RASGRP1: variants seen among roughly 807,000 people sequenced by gnomAD.
The protein encoded by RASGRP1 is RAS guanyl-releasing protein 1.
In RASGRP1, 37 loss-of-function variants were observed where a neutral mutation model predicts 95.1. That is an observed-to-expected ratio of 0.39 (90% CI 0.30 to 0.51). RASGRP1 has a LOEUF of 0.51. Among genes scored for constraint, RASGRP1 ranks in the 20% least tolerant of loss-of-function variants. The probability of loss-of-function intolerance (pLI) is 0.80; values close to 1 mark genes in which losing one functional copy is unlikely to be tolerated. For synonymous variants in RASGRP1, 325 were observed against 353.4 expected, an observed-to-expected ratio of 0.92 and a Z score of 0.90; for missense variants, 711 against 965.4, an observed-to-expected ratio of 0.74 and a Z score of 3.49.
At chr15:38,491,737 T>C (rs1035389265) in intron 16 of RASGRP1, among the ~76,000 whole-genome samples, 2 of 152,188 alleles carry the variant, frequency 1.3e-5, no homozygotes, top group African/African-American at 4.8e-5. Flanking sequence ...CACATAATTG[T>C]TCCTCTAAAA....
chr15:38,541,075 C>T (rs1445797654), intron 2 of RASGRP1, among the ~76,000 whole-genome samples: 1 of 152,210 alleles, frequency 6.6e-6, no homozygotes, highest in Non-Finnish European at 1.5e-5. Context: ...CAACCAACCC[C>T]ACACACGGGC....
chr15:38,511,807 G>GT lies in RASGRP1; in HGVS notation c.850-88dup, dbSNP rs1891531918. On this transcript the variant is annotated intron_variant, in intron 7 of 16. Transcript: ENST00000310803. Reference sequence around the variant, plus strand: ...AGAGGCTGCCTCTTGTCTCTGTGCCGTGAGTCTCCCTTACGCTGGTTAAAG... The same window carrying GT: ...AGAGGCTGCCTCTTGTCTCTGTGCCGTTGAGTCTCCCTTACGCTGGTTAAAG... 8 of 947,154 alleles carry GT rather than the reference G, an allele frequency of 8.4e-6. No individual in the cohort carries two copies. The South Asian group carries it at 9.8e-5, about 12-fold the overall frequency. The allele number at this position is 947,154 out of a possible 1,614,324, so 58.7% of individuals were successfully genotyped here.
intron 9 of RASGRP1, among the ~76,000 whole-genome samples, chr15:38,507,383 CATCT>C (rs1443677417): frequency 1.3e-5 from 2 of 152,132 alleles, no homozygotes; most frequent in Non-Finnish European, 2.9e-5. Context: ...TCATTCTCTC[CATCT>C]GTTACCAAGA....
At chr15:38,507,647 C>G (rs1266500964) in intron 9 of RASGRP1, 79 bp downstream of exon 9, 6 of 1,440,292 alleles carry the variant, frequency 4.2e-6, no homozygotes, top group Non-Finnish European at 5.6e-6. Context: ...GGACTAACAG[C>G]TAATATTTGG....
At chr15:38,527,351 CCT>C (rs1224689957) in intron 2 of RASGRP1, among the ~76,000 whole-genome samples, 1 of 152,080 alleles carries the variant, frequency 6.6e-6, no homozygotes, top group Non-Finnish European at 1.5e-5. Context: ...ACACCACTCC[CCT>C]GACAGTGACT....
chr15:38,560,039 C>G (rs753949719), intron 1 of RASGRP1, 34 bp from the exon 2 acceptor site: 1 of 1,544,396 alleles, frequency 6.5e-7, no homozygotes, highest in East Asian at 2.3e-5. Context: ...AGGGGACAAA[C>G]GGGCAGCTCC....
At chr15:38,497,270 C>T (rs1381826643) in intron 15 of RASGRP1, among the ~76,000 whole-genome samples, 2 of 152,132 alleles carry the variant, frequency 1.3e-5, no homozygotes, top group Admixed American at 6.5e-5. Flanking sequence ...CCAACAAGCC[C>T]TTCATGTTAC....
chr15:38,507,852 A>G lies in RASGRP1; in HGVS notation c.1116T>C (p.Tyr372=). 6.2e-7 allele frequency: 1 copy of G among 1,613,714 alleles called. No homozygotes were observed. ...LISLYEAMPD[Y]LEDGKVNVHK... ...GGACGTTCACTTTCCCGTCCTCCAG[A>G]TAGTCAGGCATGGCTTCATACAGGG... The change falls in exon 9 of 17, where the codon TAT becomes TAC. Residue 372 remains tyrosine (Y), a synonymous_variant. Transcript: ENST00000310803.
rs1890524337 is a variant in RASGRP1, at chr15:38,490,344, T to G, written c.*210A>C. The G allele has an allele frequency of 2.4e-6, 1 of 413,232 alleles. No homozygotes were observed. The highest frequency in any genetic ancestry group is 1.2e-4 in the South Asian group (1 of 8,422). 25.6% of individuals were successfully genotyped at this position (413,232 alleles called of 1,614,324 possible). ...GGTATGAATAGCAAAAGTTTTGCATTCTTTAGTTTTCCCCCTTTGAGTCAA... is the reference window on the plus strand; with the variant it reads ...GGTATGAATAGCAAAAGTTTTGCATGCTTTAGTTTTCCCCCTTTGAGTCAA... On this transcript the variant is annotated 3_prime_UTR_variant, in exon 17 of 17. Transcript: ENST00000310803.
rs1163975538 is a variant in RASGRP1 at position 38,489,312 on chromosome 15, G to A, written c.*1242C>T. 6.6e-6 allele frequency: 1 copy of A among 151,668 alleles called. No individual in the cohort carries two copies. The highest frequency in any genetic ancestry group is 1.5e-5 in the Non-Finnish European group (1 of 67,804). The allele number at this position is 151,668 out of a possible 1,614,324, so 9.4% of individuals were successfully genotyped here. On this transcript the variant is annotated 3_prime_UTR_variant, in exon 17 of 17. Coordinates refer to ENST00000310803, the MANE Select transcript of RASGRP1 (RefSeq NM_005739.4). ...AATGAATTTGTGAATAGGTGCCCAG[G>A]CAACTAAATGAGCCCATTTATTATT...
chr15:38,513,082 G>T, intron 6 of RASGRP1, 126 bp from the exon 7 acceptor site: 1 of 935,884 alleles, frequency 1.1e-6, no homozygotes, highest in Non-Finnish European at 1.5e-6. Flanking sequence ...GAACAGAGGA[G>T]CTCCTGGTGC....
intron 8 of RASGRP1, among the ~76,000 whole-genome samples, chr15:38,508,630 A>G (rs1187903568): frequency 6.6e-6 from 1 of 152,234 alleles, no homozygotes; most frequent in African/African-American, 2.4e-5. Flanking sequence ...TGAACTAAAA[A>G]GACTGAATAG....
intron 2 of RASGRP1, among the ~76,000 whole-genome samples, chr15:38,529,812 C>T (rs1257397230): frequency 1.3e-5 from 2 of 152,184 alleles, no homozygotes; most frequent in Non-Finnish European, 2.9e-5. Flanking sequence ...AGTTTGCTTT[C>T]GTCATTACCT....
chr15:38,489,262 T>TCC lies in RASGRP1; in HGVS notation c.*1291_*1292insGG, dbSNP rs1890477398. Reference sequence around the variant, plus strand: ...AATGATCATATGATTTTTTTTTTTTTAAGAGAACTAAAAAGAGGCTGACAA... The same window carrying TCC: ...AATGATCATATGATTTTTTTTTTTTTCCAAGAGAACTAAAAAGAGGCTGACAA... On this transcript the variant is annotated 3_prime_UTR_variant, in exon 17 of 17. Transcript: ENST00000310803. 1 of 151,782 alleles carries TCC rather than the reference T, an allele frequency of 6.6e-6. No individual in the cohort carries two copies. The highest frequency in any genetic ancestry group is 1.5e-5 in the Non-Finnish European group (1 of 67,834). The allele number at this position is 151,782 out of a possible 1,614,324, so 9.4% of individuals were successfully genotyped here.
At position 38,518,439 on chromosome 15, in the gene RASGRP1, TA is replaced by T. The variant is rs1566922042; in HGVS notation, c.390-17del. ...TATCCAATACCTACAAGGAGGGGGT[TA>T]AAAAACACAATCCAAAACTGATACC... On this transcript the variant is annotated splice_polypyrimidine_tract_variant and intron_variant, in intron 4 of 16. Transcript: ENST00000310803. 1 of 1,593,100 alleles carries T rather than the reference TA, an allele frequency of 6.3e-7. No homozygotes were observed. Among genetic ancestry groups the T allele is most frequent in the East Asian group, 2.3e-5 (1 of 44,038 alleles).
chr15:38,513,071 G>A (rs1891605162), intron 6 of RASGRP1, 115 bp from the exon 7 acceptor site: 2 of 1,064,778 alleles, frequency 1.9e-6, no homozygotes, highest in Non-Finnish European at 2.5e-6. Context: ...GAACTGCCAT[G>A]GAACAGAGGA....
At chr15:38,552,405 G>A (rs975070644) in intron 2 of RASGRP1, among the ~76,000 whole-genome samples, 2 of 152,202 alleles carry the variant, frequency 1.3e-5, no homozygotes. Context: ...GGGAAACAGT[G>A]GTGTGCTGGT....
At chr15:38,542,902 T>TACACAC (rs1390157052) in intron 2 of RASGRP1, among the ~76,000 whole-genome samples, 2,064 of 145,386 alleles carry the variant, frequency 0.014, 87 homozygotes, top group African/African-American at 0.049. Context: ...TGTGTATATA[T>TACACAC]ATACACATAT....
intron 5 of RASGRP1, among the ~76,000 whole-genome samples, chr15:38,516,664 C>G (rs192060476): frequency 6.6e-6 from 1 of 151,656 alleles, no homozygotes; most frequent in African/African-American, 2.4e-5. Flanking sequence ...GGTCCTGGCT[C>G]CTTTGTGTAT....
Sources: gnomAD v4.1 joint callset for allele counts (sites outside exome capture counted in the v4.1 genomes callset) on GRCh38, gnomAD v4.1.1 for gene constraint, MANE v1.5 for transcripts, NCBI Gene and HGNC (gene_info 2026-07-23, HGNC 2026-07-21) for gene names.